The following RNF182 variants were observed in gnomAD, a reference collection of about 807,000 sequenced individuals.
RNF182 encodes the protein ring finger protein 182.
In RNF182, 15 loss-of-function variants were observed where a neutral mutation model predicts 14.4. The observed-to-expected ratio is 1.04, with a 90% CI of 0.70 to 1.60. The LOEUF (loss-of-function observed/expected upper bound fraction) is 1.60, where lower values mean the gene tolerates loss of function less well. Among genes scored for constraint, RNF182 ranks in the 40% most tolerant of loss-of-function variants. The pLI, the probability that RNF182 is intolerant of heterozygous loss-of-function variation, is 0.00. For synonymous variants in RNF182, 128 were observed against 122.9 expected (o/e 1.04, Z -0.27); for missense variants, 268 against 294.8 (o/e 0.91, Z 0.67).
At chr6:13,950,112 T>A (rs555409799) in intron 1 of RNF182, among the ~76,000 whole-genome samples, 1 of 152,344 alleles carries the variant, frequency 6.6e-6, no homozygotes, top group South Asian at 2.1e-4. Flanking sequence ...ACATTCTACT[T>A]TTCTTACATA....
At chr6:13,964,133 C>A (rs1181077812) in intron 1 of RNF182, among the ~76,000 whole-genome samples, 2 of 151,210 alleles carry the variant, frequency 1.3e-5, no homozygotes, top group Admixed American at 6.6e-5. Context: ...AAATACAGGT[C>A]TTTGAATTAA....
chr6:13,935,549 G>T (rs1229020166), intron 1 of RNF182, among the ~76,000 whole-genome samples: 1 of 152,146 alleles, frequency 6.6e-6, no homozygotes, highest in Non-Finnish European at 1.5e-5. Context: ...TCTGACAGTG[G>T]AATGACTTAC....
chr6:13,968,373 A>G (rs1274325035), intron 1 of RNF182, among the ~76,000 whole-genome samples: 1 of 152,230 alleles, frequency 6.6e-6, no homozygotes, highest in Admixed American at 6.5e-5. Context: ...TGAGGAAGAA[A>G]TGAACATTTG....
rs560564816 is a variant in RNF182 at position 13,957,225 on chromosome 6, T to C, written c.-366-16985T>C. 6.6e-4 allele frequency among the ~76,000 whole-genome samples: 100 copies of C among 152,358 alleles called. 2 individuals carry two copies. In the South Asian group the frequency reaches 0.02, roughly 31 times the overall value. On this transcript the variant is annotated intron_variant, in intron 1 of 2. Coordinates refer to ENST00000488300, the MANE Select transcript of RNF182 (RefSeq NM_152737.4). ...TCATTTAAAAAACACTGCAGGCTTT[T>C]ACTTTATCCTAATCTTCACAGTTGA...
intron 1 of RNF182, chr6:13,925,308 CTGT>C (rs147722151): frequency 0.082 from 12,519 of 151,802 alleles, 617 homozygotes; most frequent in South Asian, 0.18. Context: ...AGCTGCCCCT[CTGT>C]TGTTGTTGTT....
At chr6:13,950,167 G>A (rs183372734) in intron 1 of RNF182, among the ~76,000 whole-genome samples, 90 of 152,092 alleles carry the variant, frequency 5.9e-4, no homozygotes, top group African/African-American at 2.1e-3. Flanking sequence ...ATGTTAACTC[G>A]TAGCAACTTT....
chr6:13,973,734 A>G (rs1581262481), intron 1 of RNF182, among the ~76,000 whole-genome samples: 2 of 152,258 alleles, frequency 1.3e-5, no homozygotes, highest in Middle Eastern at 3.4e-3. Flanking sequence ...CTCTTTTTCT[A>G]TATAAATTAC....
intron 1 of RNF182, among the ~76,000 whole-genome samples, chr6:13,972,203 G>A (rs924580908): frequency 6.6e-6 from 1 of 151,876 alleles, no homozygotes; most frequent in African/African-American, 2.4e-5. Flanking sequence ...TACTCAGGAG[G>A]CTGAGGCAGG....
At chr6:13,932,536 AT>A (rs1369748740) in intron 1 of RNF182, among the ~76,000 whole-genome samples, 1 of 152,198 alleles carries the variant, frequency 6.6e-6, no homozygotes, top group East Asian at 1.9e-4. Flanking sequence ...GATAAATCAT[AT>A]GTTTATTGGG....
intron 1 of RNF182, among the ~76,000 whole-genome samples, chr6:13,930,551 C>G (rs1190720478): frequency 6.6e-6 from 1 of 152,196 alleles, no homozygotes; most frequent in Non-Finnish European, 1.5e-5. Flanking sequence ...CTCTGCATGT[C>G]CCTCCTCTGA....
intron 1 of RNF182, among the ~76,000 whole-genome samples, chr6:13,927,855 T>C (rs946338915): frequency 1.3e-5 from 2 of 152,266 alleles, no homozygotes; most frequent in African/African-American, 4.8e-5. Context: ...TTTTAAATGA[T>C]TTCTTCATTA....
At chr6:13,950,157 A>G (rs779821576) in intron 1 of RNF182, among the ~76,000 whole-genome samples, 1 of 152,190 alleles carries the variant, frequency 6.6e-6, no homozygotes, top group African/African-American at 2.4e-5. Context: ...ATATGTTACA[A>G]TGTTAACTCG....
chr6:13,972,177 C>G (rs574223826), intron 1 of RNF182, among the ~76,000 whole-genome samples: 29 of 151,702 alleles, frequency 1.9e-4, no homozygotes, highest in African/African-American at 6.3e-4. Flanking sequence ...TGGTGGAACG[C>G]GCCTGTAGTC....
chr6:13,933,010 T>A (rs913118282), intron 1 of RNF182, among the ~76,000 whole-genome samples: 2 of 152,166 alleles, frequency 1.3e-5, no homozygotes, highest in African/African-American at 4.8e-5. Flanking sequence ...GAGCATTTTT[T>A]AATTAAAATA....
chr6:13,940,816 G>GT (rs1457279673), intron 1 of RNF182, among the ~76,000 whole-genome samples: 1 of 151,852 alleles, frequency 6.6e-6, no homozygotes, highest in Non-Finnish European at 1.5e-5. Context: ...ATATCCATGT[G>GT]TTTTTTCTTT....
At chr6:13,969,045 C>A (rs1328617558) in intron 1 of RNF182, among the ~76,000 whole-genome samples, 1 of 152,112 alleles carries the variant, frequency 6.6e-6, no homozygotes. Flanking sequence ...CTCACAGAAA[C>A]CTTCATACAT....
At chr6:13,952,053 A>G (rs747482415) in intron 1 of RNF182, among the ~76,000 whole-genome samples, 16 of 152,164 alleles carry the variant, frequency 1.1e-4, no homozygotes, top group Non-Finnish European at 2.4e-4. Flanking sequence ...TCTCTGGGCA[A>G]GATGGAAAAG....
intron 1 of RNF182, among the ~76,000 whole-genome samples, chr6:13,963,197 TG>T (rs1489521065): frequency 6.6e-6 from 1 of 152,208 alleles, no homozygotes; most frequent in African/African-American, 2.4e-5. Flanking sequence ...AGTTTATGCA[TG>T]GAAGAATACA....
At position 13,978,084 on chromosome 6, in the gene RNF182, G is replaced by C. The variant is rs1760389853; in HGVS notation, c.*221G>C. 6.0e-6 allele frequency: 3 copies of C among 502,096 alleles called. No homozygotes were observed. The highest frequency in any genetic ancestry group is 7.2e-6 in the Non-Finnish European group (2 of 276,940). 31.1% of individuals were successfully genotyped at this position (502,096 alleles called of 1,614,324 possible). A position where few individuals can be genotyped will look rare whatever the true frequency, so the allele number is the denominator to read the frequency against. ...AAATTGTATAAGCTCACACTTCATG[G>C]AGCACTGACAGCAGTGAGTCTTCCC... On this transcript the variant is annotated 3_prime_UTR_variant, in exon 3 of 3. Coordinates refer to ENST00000488300, the MANE Select transcript of RNF182 (RefSeq NM_152737.4).
Sources: gnomAD v4.1 joint callset for allele counts (sites outside exome capture counted in the v4.1 genomes callset) on GRCh38, gnomAD v4.1.1 for gene constraint, MANE v1.5 for transcripts, NCBI Gene and HGNC (gene_info 2026-07-23, HGNC 2026-07-21) for gene names.